Variants in AK4 observed in about 807,000 individuals in gnomAD.
AK4 encodes adenylate kinase 4, also known as adenylate kinase 4, mitochondrial.
AK4 carries 13 observed loss-of-function variants against 24.6 expected under a neutral mutation model. That is an observed-to-expected ratio of 0.53 (90% CI 0.34 to 0.84). The LOEUF (loss-of-function observed/expected upper bound fraction) is 0.84, where lower values mean the gene tolerates loss of function less well. Among genes scored for constraint, AK4 ranks in the 40% least tolerant of loss-of-function variants. The pLI is 0.01. For missense variants in AK4, 192 were observed against 288.2 expected, an observed-to-expected ratio of 0.67 and a Z score of 2.42; for synonymous variants, 88 against 107.0, an observed-to-expected ratio of 0.82 and a Z score of 1.10.
intron 2 of AK4, among the ~76,000 whole-genome samples, chr1:65,194,215 C>G (rs1162260779): frequency 6.6e-6 from 1 of 152,244 alleles, no homozygotes; most frequent in Admixed American, 6.5e-5. Context: ...TAAAAGTAAC[C>G]ACACAGCAGC....
chr1:65,151,481 A>G (rs568769221), intron 1 of AK4, among the ~76,000 whole-genome samples: 6 of 152,228 alleles, frequency 3.9e-5, no homozygotes, highest in African/African-American at 1.4e-4. Context: ...GCTGGTCTCA[A>G]ACTCTTGGCT....
intron 2 of AK4, among the ~76,000 whole-genome samples, chr1:65,206,782 A>G (rs1327602475): frequency 2.0e-5 from 3 of 152,208 alleles, no homozygotes; most frequent in Non-Finnish European, 4.4e-5. Context: ...GTCTCAAACA[A>G]AACAAAAGAA....
At chr1:65,153,598 C>G (rs1649873420) in intron 1 of AK4, among the ~76,000 whole-genome samples, 1 of 152,066 alleles carries the variant, frequency 6.6e-6, no homozygotes, top group Non-Finnish European at 1.5e-5. Context: ...GTAGTTTTTT[C>G]TGATCAAAGT....
At chr1:65,224,672 T>C (rs1159978350) in intron 3 of AK4, 80 bp from the exon 4 acceptor site, 21 of 1,059,800 alleles carry the variant, frequency 2.0e-5, no homozygotes, top group South Asian at 5.4e-5. Context: ...GATGAATACA[T>C]GGTTTTGCAC....
rs1557475023 is a variant in AK4, at chr1:65,229,422, TACTC to T, written c.*3247_*3250del. 6.6e-6 allele frequency: 1 copy of T among 152,146 alleles called. No individual in the cohort carries two copies. The highest frequency in any genetic ancestry group is 1.5e-5 in the Non-Finnish European group (1 of 68,080). The allele number at this position is 152,146 out of a possible 1,614,324, so 9.4% of individuals were successfully genotyped here. A position where few individuals can be genotyped will look rare whatever the true frequency, so the allele number is the denominator to read the frequency against. The stretch of plus-strand genomic sequence containing the variant: ...GGTGGTGTACACTTATGGTCCTAGT[TACTC>T]AGGAGACTTAGGCAGGAGGATTGCT... On this transcript the variant is annotated 3_prime_UTR_variant, in exon 5 of 5. Transcript: ENST00000327299.
chr1:65,183,650 CGTGTGTGTGTGTGT>C (rs56067788), intron 1 of AK4, among the ~76,000 whole-genome samples: 15 of 140,808 alleles, frequency 1.1e-4, no homozygotes, highest in African/African-American at 2.6e-4. Flanking sequence ...TATAAATATC[CGTGTGTGTGTGTGT>C]GTGTGTGTGT....
At chr1:65,148,141 G>T, upstream of AK4, 1 of 630,740 alleles carries the variant, frequency 1.6e-6, no homozygotes, top group Non-Finnish European at 2.4e-6. Flanking sequence ...CTTTGCGTGG[G>T]GGCGAGGAGG....
intron 1 of AK4, among the ~76,000 whole-genome samples, chr1:65,172,855 ATTTTTTTTT>A (rs11408059): frequency 2.7e-4 from 30 of 110,912 alleles, no homozygotes; most frequent in African/African-American, 8.8e-4. Flanking sequence ...CCAGCAAGAG[ATTTTTTTTT>A]TTTTTTTTTT....
At chr1:65,213,897 TAAG>T (rs1332107206) in intron 2 of AK4, among the ~76,000 whole-genome samples, 7 of 152,150 alleles carry the variant, frequency 4.6e-5, no homozygotes, top group Non-Finnish European at 8.8e-5. Context: ...GGCGTCCTTA[TAAG>T]AAAAGGACAT....
chr1:65,158,402 G>C (rs1289407355), intron 1 of AK4, among the ~76,000 whole-genome samples: 1 of 152,152 alleles, frequency 6.6e-6, no homozygotes, highest in African/African-American at 2.4e-5. Context: ...ATTGTGAGAA[G>C]GTTTAAGGAG....
chr1:65,178,641 T>C (rs1650798425), intron 1 of AK4, among the ~76,000 whole-genome samples: 2 of 152,172 alleles, frequency 1.3e-5, no homozygotes, highest in Admixed American at 1.3e-4. Context: ...GAAGGGTGTT[T>C]CTTCCAGCCA....
At chr1:65,219,896 A>C (rs1019853938) in intron 3 of AK4, among the ~76,000 whole-genome samples, 3 of 152,100 alleles carry the variant, frequency 2.0e-5, no homozygotes, top group African/African-American at 7.2e-5. Flanking sequence ...TCTACCTATT[A>C]ATTCCTCCCT....
intron 1 of AK4, among the ~76,000 whole-genome samples, chr1:65,180,997 A>G (rs1034402976): frequency 6.6e-6 from 1 of 151,936 alleles, no homozygotes; most frequent in Non-Finnish European, 1.5e-5. Flanking sequence ...CTGTAGAACA[A>G]TGAAAAGAAC....
At chr1:65,217,702 A>T (rs1246152985) in intron 2 of AK4, among the ~76,000 whole-genome samples, 1 of 152,192 alleles carries the variant, frequency 6.6e-6, no homozygotes, top group Non-Finnish European at 1.5e-5. Flanking sequence ...GGTCACCCAG[A>T]GCTTATACTT....
chr1:65,192,914 C>T (rs749969109), intron 2 of AK4, among the ~76,000 whole-genome samples: 23 of 152,198 alleles, frequency 1.5e-4, no homozygotes, highest in Non-Finnish European at 2.8e-4. Flanking sequence ...GTTGGGCTTC[C>T]AGGGCCTCAG....
intron 2 of AK4, among the ~76,000 whole-genome samples, chr1:65,200,798 G>GT (rs1236729216): frequency 1.6e-5 from 2 of 128,820 alleles, no homozygotes; most frequent in African/African-American, 5.8e-5. Context: ...TTTCAGCTGG[G>GT]TTTTGTTTTT....
chr1:65,223,722 C>T (rs1014971474), intron 3 of AK4, among the ~76,000 whole-genome samples: 1 of 152,060 alleles, frequency 6.6e-6, no homozygotes, highest in Non-Finnish European at 1.5e-5. Context: ...CAGCCAGGCG[C>T]AGTGGCTTAT....
At chr1:65,152,679 G>A (rs962594842) in intron 1 of AK4, among the ~76,000 whole-genome samples, 2 of 151,804 alleles carry the variant, frequency 1.3e-5, no homozygotes, top group East Asian at 1.9e-4. Context: ...GATTACAGGC[G>A]TGAGCCACCG....
At chr1:65,173,406 C>G (rs1650603965) in intron 1 of AK4, among the ~76,000 whole-genome samples, 1 of 152,148 alleles carries the variant, frequency 6.6e-6, no homozygotes, top group South Asian at 2.1e-4. Flanking sequence ...ATCCTTTACT[C>G]AGTGGCTTCC....
Sources: allele counts gnomAD v4.1 joint callset (sites outside exome capture counted in the v4.1 genomes callset), GRCh38; gene constraint gnomAD v4.1.1; transcripts MANE v1.5; gene names NCBI Gene and HGNC (gene_info 2026-07-23, HGNC 2026-07-21).